Variants in GSK3B observed in about 807,000 individuals in gnomAD.
The protein encoded by GSK3B is glycogen synthase kinase-3 beta.
A neutral mutation model predicts 56.4 loss-of-function variants in GSK3B; 15 were observed. The ratio of observed to expected loss-of-function variants is 0.27; its 90% CI spans 0.18 to 0.41. The LOEUF (loss-of-function observed/expected upper bound fraction) is 0.41. Among genes scored for constraint, GSK3B ranks in the 10% least tolerant of loss-of-function variants. GSK3B has a pLI of 1.00. For synonymous variants in GSK3B, 181 were observed against 188.9 expected, an observed-to-expected ratio of 0.96 and a Z score of 0.34; for missense variants, 300 against 513.4, an observed-to-expected ratio of 0.58 and a Z score of 4.02.
intron 9 of GSK3B, among the ~76,000 whole-genome samples, chr3:119,855,075 C>T (rs2055997812): frequency 6.6e-6 from 1 of 152,080 alleles, no homozygotes; most frequent in South Asian, 2.1e-4. Flanking sequence ...AAATTTTCCT[C>T]TATATGCTGC....
chr3:119,940,110 TTGTGTGTG>T (rs56939160), intron 3 of GSK3B, among the ~76,000 whole-genome samples: 8 of 148,940 alleles, frequency 5.4e-5, no homozygotes, highest in Non-Finnish European at 9.0e-5. Flanking sequence ...GTGTGTGTGT[TTGTGTGTG>T]TGTGTGTGTG....
At chr3:119,870,678 T>A (rs191038438) in intron 8 of GSK3B, among the ~76,000 whole-genome samples, 138 of 152,314 alleles carry the variant, frequency 9.1e-4, no homozygotes, top group African/African-American at 3.0e-3. Context: ...GAGGAAGTGA[T>A]TATTATAGCA....
At chr3:119,843,606 T>A (rs751137105) in intron 9 of GSK3B, 5 of 210,562 alleles carry the variant, frequency 2.4e-5, no homozygotes, top group Admixed American at 1.2e-4. Flanking sequence ...AGGGGATCAA[T>A]GCAACAAGAA....
intron 10 of GSK3B, among the ~76,000 whole-genome samples, chr3:119,833,726 C>T (rs868797283): frequency 7.8e-6 from 1 of 127,848 alleles, no homozygotes; most frequent in African/African-American, 3.0e-5. Context: ...GACAGGGTCT[C>T]ACTCTGTCAC....
At chr3:120,037,168 A>G (rs1380342709) in intron 1 of GSK3B, among the ~76,000 whole-genome samples, 2 of 152,180 alleles carry the variant, frequency 1.3e-5, no homozygotes, top group African/African-American at 4.8e-5. Flanking sequence ...TTGCTTTGCT[A>G]TTTTACTCAA....
At chr3:119,950,052 C>G (rs1461375694) in intron 2 of GSK3B, among the ~76,000 whole-genome samples, 42 of 151,138 alleles carry the variant, frequency 2.8e-4, no homozygotes, top group Non-Finnish European at 1.5e-5. Context: ...GGAAGAAGTT[C>G]ATACAGAAAA....
chr3:119,846,550 G>A (rs1273200361), intron 9 of GSK3B, among the ~76,000 whole-genome samples: 8 of 152,062 alleles, frequency 5.3e-5, no homozygotes, highest in East Asian at 1.9e-4. Context: ...GCTCATCATC[G>A]CTGATTATTA....
intron 2 of GSK3B, among the ~76,000 whole-genome samples, chr3:120,001,238 AAGAG>A (rs1206259444): frequency 6.6e-5 from 10 of 151,960 alleles, no homozygotes; most frequent in Admixed American, 6.6e-4. Context: ...CTGGTTATTT[AAGAG>A]AGTCTGGGGA....
At chr3:119,979,346 C>T (rs931369594) in intron 2 of GSK3B, among the ~76,000 whole-genome samples, 5 of 152,084 alleles carry the variant, frequency 3.3e-5, no homozygotes, top group East Asian at 3.9e-4. Context: ...CTCCTTCCTC[C>T]GAAACTCCTT....
Position 119,824,953 on chromosome 3 carries a change from C to A in GSK3B, c.*1835G>T, listed in dbSNP as rs1039970931. On this transcript the variant is annotated 3_prime_UTR_variant, in exon 11 of 11. Coordinates refer to ENST00000264235, the MANE Select transcript of GSK3B (RefSeq NM_001146156.2). ...GCAGGAGGGCTGCCAACAGACTCCA[C>A]TTCCGAACCCTCTGGAGGACGAGAC... 8.8e-5 allele frequency: 16 copies of A among 181,636 alleles called. No homozygotes were observed. The highest frequency in any genetic ancestry group is 1.8e-4 in the Non-Finnish European group (15 of 85,170). 11.3% of individuals were successfully genotyped at this position (181,636 alleles called of 1,614,324 possible). A position where few individuals can be genotyped will look rare whatever the true frequency, so the allele number is the denominator to read the frequency against.
chr3:119,842,076 GGA>G (rs1057238088), intron 10 of GSK3B, among the ~76,000 whole-genome samples: 1 of 151,910 alleles, frequency 6.6e-6, no homozygotes, highest in East Asian at 1.9e-4. Context: ...TTAGCTTTTT[GGA>G]GAGAGAGAGA....
chr3:120,000,821 C>CAAA (rs57916840), intron 2 of GSK3B, among the ~76,000 whole-genome samples: 58 of 67,270 alleles, frequency 8.6e-4, no homozygotes, highest in African/African-American at 2.3e-3. Context: ...GGGAAGATAG[C>CAAA]AAAAAAAAAA....
chr3:119,890,098 T>C (rs1051613449), intron 7 of GSK3B, among the ~76,000 whole-genome samples: 5 of 152,116 alleles, frequency 3.3e-5, no homozygotes, highest in South Asian at 2.1e-4. Flanking sequence ...TTGGTAACCA[T>C]ACACTTACCA....
At chr3:119,916,303 CTTCCT>C (rs2056780172) in intron 4 of GSK3B, 129 bp from the exon 5 acceptor site, 1 of 677,952 alleles carries the variant, frequency 1.5e-6, no homozygotes, top group African/African-American at 1.8e-5. Flanking sequence ...GGCACTCAAT[CTTCCT>C]TTCACAAGTT....
intron 3 of GSK3B, among the ~76,000 whole-genome samples, chr3:119,932,496 A>G (rs895669805): frequency 5.3e-5 from 8 of 150,610 alleles, no homozygotes; most frequent in Admixed American, 5.3e-4. Flanking sequence ...CACCAAAATT[A>G]CCAAAGGGTT....
At chr3:119,960,151 C>CCA (rs2057257472) in intron 2 of GSK3B, among the ~76,000 whole-genome samples, 1 of 74,644 alleles carries the variant, frequency 1.3e-5, no homozygotes, top group East Asian at 4.7e-4. Flanking sequence ...TATGCTGAGA[C>CCA]AAAAAAAAAA....
chr3:119,965,227 A>ATTT (rs772430757), intron 2 of GSK3B, among the ~76,000 whole-genome samples: 1 of 119,578 alleles, frequency 8.4e-6, no homozygotes, highest in Non-Finnish European at 1.8e-5. Context: ...TAATTTTTGT[A>ATTT]TTTTTTTTTT....
intron 2 of GSK3B, among the ~76,000 whole-genome samples, chr3:119,949,666 G>C (rs1405652771): frequency 6.6e-6 from 1 of 151,934 alleles, no homozygotes; most frequent in Non-Finnish European, 1.5e-5. Context: ...TGGAGGTTTT[G>C]ACCAGGAAAG....
intron 6 of GSK3B, among the ~76,000 whole-genome samples, chr3:119,907,374 ATACTCTTGCC>A (rs2056693218): frequency 6.6e-6 from 1 of 152,158 alleles, no homozygotes; most frequent in Non-Finnish European, 1.5e-5. Flanking sequence ...ACATCAAGGA[ATACTCTTGCC>A]TAGAAGTTAT....
Sources: gnomAD v4.1 joint callset for allele counts (sites outside exome capture counted in the v4.1 genomes callset) on GRCh38, gnomAD v4.1.1 for gene constraint, MANE v1.5 for transcripts, NCBI Gene and HGNC (gene_info 2026-07-23, HGNC 2026-07-21) for gene names.